CNBD1: variants seen among roughly 807,000 people sequenced by gnomAD.
CNBD1 encodes the protein cyclic nucleotide binding domain containing 1.
Under a neutral mutation model 54.4 loss-of-function variants are expected in CNBD1, and 71 were observed. The ratio of observed to expected loss-of-function variants is 1.30; its 90% CI spans 1.08 to 1.59. CNBD1 has a LOEUF of 1.59. Among genes scored for constraint, CNBD1 ranks in the 40% most tolerant of loss-of-function variants. The probability of loss-of-function intolerance (pLI) is 0.00; values close to 1 mark genes in which losing one functional copy is unlikely to be tolerated. For missense variants in CNBD1, 659 were observed against 518.0 expected, an observed-to-expected ratio of 1.27 and a Z score of -2.64; for synonymous variants, 182 against 170.7, an observed-to-expected ratio of 1.07 and a Z score of -0.51.
chr8:87,295,527 T>C (rs945535540), intron 8 of CNBD1, among the ~76,000 whole-genome samples: 3 of 152,024 alleles, frequency 2.0e-5, no homozygotes, highest in Admixed American at 2.0e-4. Context: ...TAAACACCTT[T>C]TAATAATGGA....
At chr8:87,259,766 G>A (rs1170487838) in intron 6 of CNBD1, among the ~76,000 whole-genome samples, 3 of 152,128 alleles carry the variant, frequency 2.0e-5, no homozygotes, top group African/African-American at 4.8e-5. Context: ...AGGCTCTCTG[G>A]TGCCTCCTGT....
intron 4 of CNBD1, among the ~76,000 whole-genome samples, chr8:86,958,897 T>A (rs1807852393): frequency 6.6e-6 from 1 of 152,182 alleles, no homozygotes; most frequent in Non-Finnish European, 1.5e-5. Context: ...ACTTTACTCA[T>A]TAGTTGGTTA....
In CNBD1 at chr8:87,282,202, T is replaced by C. The variant is rs182021556; in HGVS notation, c.772-2476T>C. On this transcript the variant is annotated intron_variant, in intron 6 of 10. Coordinates refer to ENST00000518476, the MANE Select transcript of CNBD1 (RefSeq NM_173538.3). The stretch of plus-strand genomic sequence containing the variant: ...ATATTTTTCTTTCCTAGCCCAAGAA[T>C]ATAAAGATTCTCAAATATTTTAATT... Among the ~76,000 whole-genome samples, 505 of 151,890 alleles carry C rather than the reference T, an allele frequency of 3.3e-3. 2 individuals are homozygous for C. Among genetic ancestry groups the C allele is most frequent in the African/African-American group, 0.012 (485 of 41,542 alleles).
chr8:87,130,928 T>C (rs1812105772), intron 4 of CNBD1, among the ~76,000 whole-genome samples: 1 of 152,194 alleles, frequency 6.6e-6, no homozygotes, highest in African/African-American at 2.4e-5. Flanking sequence ...TGATTTTATG[T>C]CTTGTGAAAT....
intron 6 of CNBD1, among the ~76,000 whole-genome samples, chr8:87,280,082 A>G (rs376703878): frequency 4.4e-4 from 67 of 151,710 alleles, no homozygotes; most frequent in Admixed American, 1.7e-3. Flanking sequence ...CCCTCAGACA[A>G]TGGAATGCGT....
intron 10 of CNBD1, among the ~76,000 whole-genome samples, chr8:87,380,005 C>T (rs1056952856): frequency 2.7e-5 from 4 of 149,726 alleles, no homozygotes; most frequent in African/African-American, 1.0e-4. Flanking sequence ...AGACATCATC[C>T]ACTGGTGCCA....
chr8:87,156,765 T>C (rs932359547), intron 4 of CNBD1, among the ~76,000 whole-genome samples: 1 of 152,142 alleles, frequency 6.6e-6, no homozygotes. Context: ...CATTCTCTTA[T>C]TGTTTCTTCT....
intron 8 of CNBD1, among the ~76,000 whole-genome samples, chr8:87,305,327 A>T (rs530942979): frequency 6.6e-6 from 1 of 152,286 alleles, no homozygotes; most frequent in East Asian, 1.9e-4. Flanking sequence ...AAATGACCAT[A>T]TTGCCAAAAA....
intron 4 of CNBD1, among the ~76,000 whole-genome samples, chr8:87,131,086 C>T (rs1247784706): frequency 6.6e-6 from 1 of 151,822 alleles, no homozygotes; most frequent in Non-Finnish European, 1.5e-5. Context: ...AAAATTTAAA[C>T]TGTACCTCTT....
chr8:87,376,106 G>A (rs1302373546), intron 10 of CNBD1, among the ~76,000 whole-genome samples: 4 of 151,892 alleles, frequency 2.6e-5, no homozygotes, highest in Non-Finnish European at 2.9e-5. Context: ...ATCACTTACT[G>A]TAGACTGTGA....
chr8:87,190,674 C>T (rs1454014069), intron 4 of CNBD1, among the ~76,000 whole-genome samples: 3 of 151,946 alleles, frequency 2.0e-5, no homozygotes, highest in Non-Finnish European at 4.4e-5. Flanking sequence ...GCATGTGTCA[C>T]TTTGAAGGCC....
chr8:87,008,173 C>T lies in CNBD1; in HGVS notation c.431+68419C>T, dbSNP rs148433019. Among the ~76,000 whole-genome samples, 20 of 152,242 alleles carry T rather than the reference C, an allele frequency of 1.3e-4. No homozygotes were observed. In the East Asian group the frequency reaches 3.7e-3, roughly 28 times the overall value. ...ATTAATTTATTGTTTTTTCCAGTGC[C>T]AATTCAGGGCTAATATAATGGGTGG... On this transcript the variant is annotated intron_variant, in intron 4 of 10. Transcript: ENST00000518476.
intron 2 of CNBD1, among the ~76,000 whole-genome samples, chr8:87,419,944 A>C (rs1303302589): frequency 6.7e-6 from 1 of 148,736 alleles, no homozygotes; most frequent in Non-Finnish European, 1.5e-5. Context: ...CTCATTAATA[A>C]AAATATATAT....
chr8:87,267,363 GA>G (rs1315046119), intron 6 of CNBD1, among the ~76,000 whole-genome samples: 4 of 151,760 alleles, frequency 2.6e-5, no homozygotes, highest in Non-Finnish European at 5.9e-5. Context: ...ATTGGCAAAT[GA>G]AAAAAAATTA....
intron 10 of CNBD1, among the ~76,000 whole-genome samples, chr8:87,376,993 A>T (rs990316902): frequency 1.3e-5 from 2 of 148,896 alleles, no homozygotes; most frequent in Non-Finnish European, 3.0e-5. Context: ...CTAAGTGTTG[A>T]TATTTGTTTG....
intron 4 of CNBD1, among the ~76,000 whole-genome samples, chr8:87,096,989 C>CACAG (rs1296195455): frequency 6.6e-6 from 1 of 152,162 alleles, no homozygotes; most frequent in Non-Finnish European, 1.5e-5. Context: ...TGGAAGCAGA[C>CACAG]ACAGCTTCCT....
intron 4 of CNBD1, among the ~76,000 whole-genome samples, chr8:86,976,724 C>G (rs947476886): frequency 4.6e-5 from 7 of 151,864 alleles, no homozygotes; most frequent in African/African-American, 1.7e-4. Flanking sequence ...CTGTAGTTTT[C>G]AGTATATAGA....
chr8:87,293,143 T>A (rs929963322), intron 8 of CNBD1, among the ~76,000 whole-genome samples: 13 of 152,224 alleles, frequency 8.5e-5, no homozygotes, highest in African/African-American at 2.9e-4. Flanking sequence ...AAATAAATTT[T>A]TTTCATAAGA....
intron 8 of CNBD1, among the ~76,000 whole-genome samples, chr8:87,295,104 TTTCA>T (rs1256246449): frequency 2.6e-5 from 4 of 151,912 alleles, no homozygotes; most frequent in African/African-American, 9.7e-5. Context: ...AATTTAATGA[TTTCA>T]TTAACAGTCT....
Sources: gnomAD v4.1 joint callset for allele counts (sites outside exome capture counted in the v4.1 genomes callset) on GRCh38, gnomAD v4.1.1 for gene constraint, MANE v1.5 for transcripts, NCBI Gene and HGNC (gene_info 2026-07-23, HGNC 2026-07-21) for gene names.